Variants in SNRPD3 observed in about 807,000 individuals in gnomAD.
SNRPD3 encodes small nuclear ribonucleoprotein Sm D3.
For synonymous variants in SNRPD3, 66 were observed against 58.4 expected (o/e 1.13, Z -0.59); for missense variants, 73 against 167.5 (o/e 0.44, Z 3.11).
At chr22:24,557,618 C>T (rs560857558) in intron 1 of SNRPD3, 39 bp from the exon 2 acceptor site, 3 of 1,533,866 alleles carry the variant, frequency 2.0e-6, no homozygotes, top group East Asian at 2.3e-5. Context: ...CCTTTTCAGA[C>T]TCTGAAAGAT....
chr22:24,572,519 T>C lies in SNRPD3; in HGVS notation c.*542T>C, dbSNP rs2045258682. 1 of 199,032 alleles carries C rather than the reference T, an allele frequency of 5.0e-6. No homozygotes were observed. The highest frequency in any genetic ancestry group is 1.0e-5 in the Non-Finnish European group (1 of 97,162). 12.3% of individuals were successfully genotyped at this position (199,032 alleles called of 1,614,324 possible). On this transcript the variant is annotated 3_prime_UTR_variant, in exon 4 of 4. Coordinates refer to ENST00000215829, the MANE Select transcript of SNRPD3 (RefSeq NM_004175.5). ...GGCTCACGCATGTAATCCCAGCACT[T>C]TGGGAGGCCAAGGCGGGCGGATCAC...
intron 1 of SNRPD3, among the ~76,000 whole-genome samples, chr22:24,556,367 T>A (rs1027274780): frequency 2.8e-5 from 1 of 35,776 alleles, no homozygotes; most frequent in Non-Finnish European, 5.2e-5. Flanking sequence ...ATCCTATGAG[T>A]TTTTTTTTGT....
chr22:24,557,089 C>G (rs1017210449), intron 1 of SNRPD3, among the ~76,000 whole-genome samples: 1 of 152,200 alleles, frequency 6.6e-6, no homozygotes, highest in African/African-American at 2.4e-5. Flanking sequence ...ATAGGGTAGC[C>G]ACTAGCTACA....
chr22:24,564,021 C>CT (rs1294413476), intron 2 of SNRPD3, among the ~76,000 whole-genome samples: 9 of 151,884 alleles, frequency 5.9e-5, no homozygotes, highest in East Asian at 1.9e-4. Flanking sequence ...TTATCGTATA[C>CT]TTTTTTTTTC....
intron 2 of SNRPD3, among the ~76,000 whole-genome samples, chr22:24,563,556 A>G (rs2045168737): frequency 6.6e-6 from 1 of 152,180 alleles, no homozygotes; most frequent in Non-Finnish European, 1.5e-5. Flanking sequence ...AAAAATAACA[A>G]TACTCCAAAA....
chr22:24,574,331 G>C lies in SNRPD3; in HGVS notation c.*2354G>C, dbSNP rs1052043049. Among the ~76,000 whole-genome samples the C allele has an allele frequency of 7.2e-5, 11 of 152,144 alleles. No homozygotes were observed. Among genetic ancestry groups the C allele is most frequent in the African/African-American group, 2.7e-4 (11 of 41,426 alleles). On this transcript the variant is annotated 3_prime_UTR_variant, in exon 4 of 4. Transcript: ENST00000215829. The stretch of plus-strand genomic sequence containing the variant: ...CCTAAAATATGTAGCTTTGTAAACA[G>C]TTTTATATCCTGCATCTTAGGGGGG...
Position 24,560,297 on chromosome 22 carries a change from A to C in SNRPD3, c.126+2497A>C, listed in dbSNP as rs553306266. ...ATGCCCAGCTAATTTTTGTATTTTT[A>C]TATTTTTAGTAGAGACAGGTTTCAC... On this transcript the variant is annotated intron_variant, in intron 2 of 3. Coordinates refer to ENST00000215829, the MANE Select transcript of SNRPD3 (RefSeq NM_004175.5). 8.1e-4 allele frequency among the ~76,000 whole-genome samples: 120 copies of C among 148,108 alleles called. 2 individuals carry two copies. Among genetic ancestry groups the C allele is most frequent in the African/African-American group, 2.8e-3 (114 of 40,056 alleles).
Position 24,572,223 on chromosome 22 carries a change from C to CT in SNRPD3, c.*247dup. On this transcript the variant is annotated 3_prime_UTR_variant, in exon 4 of 4. Coordinates refer to ENST00000215829, the MANE Select transcript of SNRPD3 (RefSeq NM_004175.5). ...AAATTTTGACACCCTGGGGGATGTC[C>CT]TGGGAGAATGCCAGTACTTTGAAAT... is the stretch of plus-strand genomic sequence containing the variant. The CT allele has an allele frequency of 1.5e-6, 1 of 666,862 alleles. No homozygotes were observed. The highest frequency in any genetic ancestry group is 2.6e-6 in the Non-Finnish European group (1 of 383,230). 41.3% of individuals were successfully genotyped at this position (666,862 alleles called of 1,614,324 possible).
At chr22:24,558,248 G>GAT (rs2045099771) in intron 2 of SNRPD3, among the ~76,000 whole-genome samples, 1 of 152,176 alleles carries the variant, frequency 6.6e-6, no homozygotes, top group Non-Finnish European at 1.5e-5. Context: ...CAGGTTTGGT[G>GAT]ATAGTCTTGT....
intron 1 of SNRPD3, among the ~76,000 whole-genome samples, chr22:24,556,688 T>A (rs1450136842): frequency 6.6e-6 from 1 of 152,232 alleles, no homozygotes; most frequent in Non-Finnish European, 1.5e-5. Flanking sequence ...ATCTTTTCAT[T>A]GCGTCATTCT....
Position 24,573,196 on chromosome 22 carries a change from T to G in SNRPD3, c.*1219T>G, listed in dbSNP as rs1165131144. On this transcript the variant is annotated 3_prime_UTR_variant, in exon 4 of 4. Transcript: ENST00000215829. ...TCCAGCCTGGGCAAAAGAGCAAGAC[T>G]TTGTCTTTAAAGAAAAATAAGTAGT... 6.6e-6 allele frequency among the ~76,000 whole-genome samples: 1 copy of G among 152,036 alleles called. No homozygotes were observed. Among genetic ancestry groups the G allele is most frequent in the African/African-American group, 2.4e-5 (1 of 41,380 alleles).
At chr22:24,571,824 T>C in intron 3 of SNRPD3, 92 bp from the exon 4 acceptor site, 1 of 1,301,402 alleles carries the variant, frequency 7.7e-7, no homozygotes, top group Non-Finnish European at 1.1e-6. Context: ...TTCAGAACCC[T>C]TCTAACTGGT....
chr22:24,567,863 A>AT (rs767229325), intron 2 of SNRPD3, 121 bp from the exon 3 acceptor site: 12 of 717,030 alleles, frequency 1.7e-5, no homozygotes, highest in Non-Finnish European at 2.6e-5. Context: ...TTGCTGGGTA[A>AT]TTCACCAGCT....
chr22:24,564,037 CTGTT>C (rs1349108168), intron 2 of SNRPD3, among the ~76,000 whole-genome samples: 1 of 151,874 alleles, frequency 6.6e-6, no homozygotes, highest in Non-Finnish European at 1.5e-5. Flanking sequence ...TTTTCCTGTA[CTGTT>C]TGTGTGTGGA....
chr22:24,557,620 C>G (rs778638299), intron 1 of SNRPD3, 37 bp from the exon 2 acceptor site: 3 of 1,554,440 alleles, frequency 1.9e-6, no homozygotes, highest in Admixed American at 1.7e-5. Flanking sequence ...TTTTCAGACT[C>G]TGAAAGATGA....
chr22:24,571,870 T>G (rs185161066), intron 3 of SNRPD3, 46 bp from the exon 4 acceptor site: 44 of 1,610,252 alleles, frequency 2.7e-5, no homozygotes, highest in Non-Finnish European at 3.5e-5. Context: ...CTATGAGCAT[T>G]CACCGACCAC....
upstream of SNRPD3, chr22:24,555,735 T>C (rs892815292): frequency 3.2e-6 from 5 of 1,550,550 alleles, no homozygotes; most frequent in African/African-American, 6.8e-5. Context: ...GTCCAGCCTG[T>C]CCTTGGTGTG....
intron 2 of SNRPD3, among the ~76,000 whole-genome samples, chr22:24,562,552 A>T (rs2045153799): frequency 6.6e-6 from 1 of 152,108 alleles, no homozygotes; most frequent in Admixed American, 6.5e-5. Flanking sequence ...TCCAAAAATA[A>T]AAAATATATT....
chr22:24,572,798 G>C lies in SNRPD3; in HGVS notation c.*821G>C, dbSNP rs1211475121. ...GTAATTCAGGGGATCCTAGTGGCCA[G>C]CTTCCTTGGCTCGTATACTGGCTAC... On this transcript the variant is annotated 3_prime_UTR_variant, in exon 4 of 4. Coordinates refer to ENST00000215829, the MANE Select transcript of SNRPD3 (RefSeq NM_004175.5). 1 of 152,596 alleles carries C rather than the reference G, an allele frequency of 6.6e-6. No homozygotes were observed. The highest frequency in any genetic ancestry group is 1.5e-5 in the Non-Finnish European group (1 of 68,586). 9.5% of individuals were successfully genotyped at this position (152,596 alleles called of 1,614,324 possible).
Sources: allele counts gnomAD v4.1 joint callset (sites outside exome capture counted in the v4.1 genomes callset), GRCh38; gene constraint gnomAD v4.1.1; transcripts MANE v1.5; gene names NCBI Gene and HGNC (gene_info 2026-07-23, HGNC 2026-07-21).